SPATA31G1: variants seen among roughly 807,000 people sequenced by gnomAD.
The protein encoded by SPATA31G1 is spermatogenesis-associated protein 31G1.
At chr9:35,044,067 CTGGAG>C in the SPATA31G1 span, 1 of 1,614,082 alleles carries the variant, frequency 6.2e-7, no homozygotes, top group Non-Finnish European at 8.5e-7. Flanking sequence ...AGTCCCTCTC[CTGGAG>C]TCTCTAGTAA....
At chr9:35,042,275 C>A in the SPATA31G1 span, 49 of 1,613,954 alleles carry the variant, frequency 3.0e-5, no homozygotes, top group Non-Finnish European at 3.8e-5. Flanking sequence ...TGCTGGAGGA[C>A]CTGCTTGGGG....
At chr9:35,043,422 G>T in the SPATA31G1 span, 1 of 1,614,152 alleles carries the variant, frequency 6.2e-7, no homozygotes, top group Non-Finnish European at 8.5e-7. Flanking sequence ...AGATCTAGAA[G>T]GGATGGCCCC....
At chr9:35,043,670 A>G in the SPATA31G1 span, 19 of 1,614,032 alleles carry the variant, frequency 1.2e-5, no homozygotes, top group Non-Finnish European at 1.6e-5. Flanking sequence ...GCCAATCCCC[A>G]GCTTCTCTGT....
At chr9:35,043,277 C>A in the SPATA31G1 span, 14 of 1,614,184 alleles carry the variant, frequency 8.7e-6, no homozygotes, top group East Asian at 2.9e-4. Context: ...GCTCAGGTGG[C>A]CCCTCTCCTC....
chr9:35,044,370 C>T, the SPATA31G1 span: 1 of 1,614,052 alleles, frequency 6.2e-7, no homozygotes, highest in Non-Finnish European at 8.5e-7. Flanking sequence ...CATGGGGGTC[C>T]TGTCTGATTC....
the SPATA31G1 span, chr9:35,045,174 G>C: frequency 6.2e-7 from 1 of 1,613,942 alleles, no homozygotes; most frequent in Middle Eastern, 1.6e-4. Context: ...TCATCCTCAA[G>C]AAGTTCAGCG....
At chr9:35,041,164 C>T in the SPATA31G1 span, 1 of 452,194 alleles carries the variant, frequency 2.2e-6, no homozygotes, top group Non-Finnish European at 4.4e-6. Flanking sequence ...AAGGTAAAAA[C>T]ACCTTCAAAT....
At chr9:35,042,700 C>A in the SPATA31G1 span, 1 of 1,154,880 alleles carries the variant, frequency 8.7e-7, no homozygotes, top group African/African-American at 1.5e-5. Context: ...TGGGTAATGA[C>A]CATTAACACT....
At chr9:35,043,046 A>G in the SPATA31G1 span, 1 of 1,614,026 alleles carries the variant, frequency 6.2e-7, no homozygotes, top group East Asian at 2.2e-5. Flanking sequence ...CACCCCAGCC[A>G]TCCTGTGGTT....
the SPATA31G1 span, chr9:35,045,934 G>A: frequency 6.7e-7 from 1 of 1,495,370 alleles, no homozygotes; most frequent in Non-Finnish European, 8.9e-7. Flanking sequence ...GGGGAAGGTG[G>A]GGATGTGGAG....
the SPATA31G1 span, chr9:35,042,966 T>A: frequency 6.2e-7 from 1 of 1,614,066 alleles, no homozygotes; most frequent in Non-Finnish European, 8.5e-7. Context: ...AGACGAGGCA[T>A]CTCTGGATCC....
At chr9:35,045,250 C>T in the SPATA31G1 span, 5 of 1,613,992 alleles carry the variant, frequency 3.1e-6, no homozygotes, top group African/African-American at 6.7e-5. Context: ...CAGCTTCAGC[C>T]ACAGGAGTCT....
chr9:35,045,782 C>G, the SPATA31G1 span: 1 of 1,614,202 alleles, frequency 6.2e-7, no homozygotes, highest in Non-Finnish European at 8.5e-7. Context: ...TCCCTACCCT[C>G]AAGGCTTCCC....
chr9:35,043,052 T>A, the SPATA31G1 span: 1 of 1,614,166 alleles, frequency 6.2e-7, no homozygotes, highest in Non-Finnish European at 8.5e-7. Context: ...AGCCATCCTG[T>A]GGTTCTGAGG....
chr9:35,043,646 G>A, the SPATA31G1 span: 5 of 1,614,120 alleles, frequency 3.1e-6, no homozygotes, highest in South Asian at 2.2e-5. Flanking sequence ...TTGAGCCTCC[G>A]ATGCCACCCC....
the SPATA31G1 span, chr9:35,044,596 A>T: frequency 6.2e-7 from 1 of 1,614,182 alleles, no homozygotes; most frequent in Non-Finnish European, 8.5e-7. Flanking sequence ...TCAAAGTCCC[A>T]CGTAAGTGAG....
the SPATA31G1 span, chr9:35,042,838 G>T: frequency 6.2e-7 from 1 of 1,602,408 alleles, no homozygotes; most frequent in South Asian, 1.1e-5. Context: ...TCATGCCTGA[G>T]AATATCTTTA....
chr9:35,041,994 G>C, the SPATA31G1 span: 1 of 431,800 alleles, frequency 2.3e-6, no homozygotes, highest in Non-Finnish European at 4.1e-6. Flanking sequence ...AAATGACAGA[G>C]CTATGATTTG....
At chr9:35,043,366 A>G in the SPATA31G1 span, 2 of 1,614,084 alleles carry the variant, frequency 1.2e-6, no homozygotes, top group Non-Finnish European at 1.7e-6. Context: ...CTTCCCCAGT[A>G]TCACTCCTCA....
Sources: gnomAD v4.1 joint callset for allele counts on GRCh38, gnomAD v4.1.1 for gene constraint, MANE v1.5 for transcripts, NCBI Gene and HGNC (gene_info 2026-07-23, HGNC 2026-07-21) for gene names.